The following MACROD2 variants were observed in gnomAD, a reference collection of about 807,000 sequenced individuals.
MACROD2 encodes the protein ADP-ribose glycohydrolase MACROD2.
MACROD2 carries 36 observed loss-of-function variants against 70.4 expected under a neutral mutation model. The ratio of observed to expected loss-of-function variants is 0.51; its 90% CI spans 0.39 to 0.68. The LOEUF (loss-of-function observed/expected upper bound fraction) is 0.68, where lower values mean the gene tolerates loss of function less well. Ranked by LOEUF, MACROD2 falls within the 30% of genes least tolerant of loss-of-function variation. MACROD2 has a pLI of 0.00. For missense variants in MACROD2, 496 were observed against 538.4 expected (o/e 0.92, Z 0.78); for synonymous variants, 172 against 178.8 (o/e 0.96, Z 0.30).
chr20:15,462,767 A>G (rs922785866), intron 7 of MACROD2, among the ~76,000 whole-genome samples: 5 of 152,338 alleles, frequency 3.3e-5, no homozygotes, highest in East Asian at 1.9e-4. Flanking sequence ...CAACTCTGCA[A>G]TTATACAAAG....
chr20:14,613,562 T>C (rs1983300153), intron 4 of MACROD2, among the ~76,000 whole-genome samples: 1 of 152,074 alleles, frequency 6.6e-6, no homozygotes, highest in Non-Finnish European at 1.5e-5. Context: ...AGTATGGAGA[T>C]AAAAAGAGAG....
chr20:15,735,834 C>T (rs965314343), intron 8 of MACROD2, among the ~76,000 whole-genome samples: 1 of 152,106 alleles, frequency 6.6e-6, no homozygotes, highest in Non-Finnish European at 1.5e-5. Context: ...TCATTTTGAC[C>T]CTCAGAAGAC....
intron 8 of MACROD2, among the ~76,000 whole-genome samples, chr20:15,741,243 C>A (rs191799321): frequency 2.3e-4 from 35 of 150,998 alleles, no homozygotes; most frequent in African/African-American, 8.4e-4. Context: ...AGGCACACAC[C>A]ACCACACCCG....
At chr20:14,595,145 G>A (rs1982038492) in intron 4 of MACROD2, among the ~76,000 whole-genome samples, 1 of 152,092 alleles carries the variant, frequency 6.6e-6, no homozygotes, top group Admixed American at 6.5e-5. Flanking sequence ...ATTAGTAATT[G>A]CACAGTTGTC....
chr20:14,296,911 A>G (rs1254058502), intron 3 of MACROD2, among the ~76,000 whole-genome samples: 2 of 151,952 alleles, frequency 1.3e-5, no homozygotes, highest in African/African-American at 4.9e-5. Context: ...ACCCTGCATC[A>G]AGTAAGTCTA....
At chr20:14,063,907 T>G (rs1162410103) in intron 2 of MACROD2, among the ~76,000 whole-genome samples, 2 of 152,076 alleles carry the variant, frequency 1.3e-5, no homozygotes, top group East Asian at 3.9e-4. Context: ...TTGTATACTT[T>G]GTGGAGACAG....
intron 6 of MACROD2, among the ~76,000 whole-genome samples, chr20:15,386,015 T>C (rs2045707984): frequency 1.3e-5 from 2 of 152,286 alleles, no homozygotes; most frequent in Non-Finnish European, 2.9e-5. Context: ...GAAAAGCTGC[T>C]CGGTTTCAGT....
At chr20:14,024,109 C>T (rs930901235) in intron 2 of MACROD2, among the ~76,000 whole-genome samples, 8 of 152,144 alleles carry the variant, frequency 5.3e-5, no homozygotes, top group African/African-American at 1.7e-4. Context: ...CTGAAGAGGT[C>T]CTTCACATCC....
intron 8 of MACROD2, among the ~76,000 whole-genome samples, chr20:15,785,112 G>A (rs1381991276): frequency 2.7e-5 from 4 of 146,792 alleles, no homozygotes; most frequent in African/African-American, 5.1e-5. Flanking sequence ...AGTTGGCGCC[G>A]CTGCACTCCA....
intron 4 of MACROD2, among the ~76,000 whole-genome samples, chr20:14,568,217 G>A (rs1186838676): frequency 6.6e-6 from 1 of 152,006 alleles, no homozygotes; most frequent in Non-Finnish European, 1.5e-5. Context: ...GTTTTATAAA[G>A]AAATAGATGA....
chr20:15,077,915 T>C (rs1221671441), intron 5 of MACROD2, among the ~76,000 whole-genome samples: 2 of 152,080 alleles, frequency 1.3e-5, no homozygotes, highest in Non-Finnish European at 2.9e-5. Flanking sequence ...TTTTTCCTGA[T>C]GCTTTGAGCT....
At chr20:14,935,865 G>A (rs927092149) in intron 5 of MACROD2, among the ~76,000 whole-genome samples, 1 of 152,122 alleles carries the variant, frequency 6.6e-6, no homozygotes, top group African/African-American at 2.4e-5. Flanking sequence ...TATTTTCTCT[G>A]TGTTGTGCTA....
intron 8 of MACROD2, among the ~76,000 whole-genome samples, chr20:15,776,690 C>A (rs1454926238): frequency 6.6e-6 from 1 of 152,158 alleles, no homozygotes; most frequent in Non-Finnish European, 1.5e-5. Context: ...AGAACATTCC[C>A]TTTTAAAAGT....
chr20:14,126,806 A>C (rs1309595755), intron 3 of MACROD2, among the ~76,000 whole-genome samples: 1 of 152,180 alleles, frequency 6.6e-6, no homozygotes, highest in Non-Finnish European at 1.5e-5. Context: ...AACCGCACCC[A>C]TAGAAGACAG....
chr20:14,286,849 C>T (rs186612367), intron 3 of MACROD2, among the ~76,000 whole-genome samples: 1 of 152,136 alleles, frequency 6.6e-6, no homozygotes, highest in Non-Finnish European at 1.5e-5. Context: ...GGATATTAAG[C>T]AGATGCTCAG....
chr20:15,249,271 G>C (rs2077133157), intron 6 of MACROD2, among the ~76,000 whole-genome samples: 1 of 152,172 alleles, frequency 6.6e-6, no homozygotes, highest in Admixed American at 6.6e-5. Context: ...CAAAGACCAG[G>C]AGCAGGGTGA....
At chr20:14,121,407 G>T (rs1156728026) in intron 3 of MACROD2, among the ~76,000 whole-genome samples, 1 of 152,140 alleles carries the variant, frequency 6.6e-6, no homozygotes, top group Non-Finnish European at 1.5e-5. Flanking sequence ...CTTGATTTGG[G>T]TTGCTTTGTT....
intron 5 of MACROD2, among the ~76,000 whole-genome samples, chr20:15,135,515 C>T (rs1161437427): frequency 5.0e-5 from 7 of 140,890 alleles, no homozygotes; most frequent in Admixed American, 7.2e-5. Flanking sequence ...AATTCAACAA[C>T]CCTTCATGCT....
At chr20:14,110,319 C>T (rs1420715735) in intron 3 of MACROD2, among the ~76,000 whole-genome samples, 1 of 151,846 alleles carries the variant, frequency 6.6e-6, no homozygotes. Context: ...AGATCTGGAA[C>T]ATGACAAAAA....
Sources: allele counts gnomAD v4.1 joint callset (sites outside exome capture counted in the v4.1 genomes callset), GRCh38; gene constraint gnomAD v4.1.1; transcripts MANE v1.5; gene names NCBI Gene and HGNC (gene_info 2026-07-23, HGNC 2026-07-21).